The following RNF13 variants were observed in gnomAD, a reference collection of about 807,000 sequenced individuals.
RNF13 encodes E3 ubiquitin-protein ligase RNF13.
RNF13 carries 19 observed loss-of-function variants against 37.7 expected under a neutral mutation model. The ratio of observed to expected loss-of-function variants is 0.50; its 90% confidence interval spans 0.35 to 0.74. The LOEUF is 0.74. RNF13 is among the 30% of genes least tolerant of loss of function. RNF13 has a pLI of 0.01. For synonymous variants in RNF13, 144 were observed against 157.8 expected (o/e 0.91, Z 0.65); for missense variants, 375 against 453.0 (o/e 0.83, Z 1.56).
Position 149,869,433 on chromosome 3 carries a change from G to T in RNF13, c.196-2596G>T, listed in dbSNP as rs192629872. Reference sequence around the variant, plus strand: ...ATCCCGGCTAAAACGGTGAAACCCCGTCTCTACTAAAAAATACAAAAAATT... The same window carrying T: ...ATCCCGGCTAAAACGGTGAAACCCCTTCTCTACTAAAAAATACAAAAAATT... On this transcript the variant is annotated intron_variant, in intron 3 of 9. Coordinates refer to ENST00000392894, the MANE Select transcript of RNF13 (RefSeq NM_183381.3). Among the ~76,000 whole-genome samples the T allele has an allele frequency of 3.2e-3, 486 of 151,458 alleles. 1 individual carries two copies. Among genetic ancestry groups the T allele is most frequent in the African/African-American group, 0.011 (464 of 41,432 alleles).
At chr3:149,925,926 G>A (rs762653184) in intron 8 of RNF13, among the ~76,000 whole-genome samples, 14 of 151,986 alleles carry the variant, frequency 9.2e-5, no homozygotes, top group South Asian at 2.1e-4. Context: ...TTTATAACTC[G>A]TTGTTTTACT....
At chr3:149,821,402 T>C (rs1042670494) in intron 1 of RNF13, among the ~76,000 whole-genome samples, 1 of 152,190 alleles carries the variant, frequency 6.6e-6, no homozygotes, top group African/African-American at 2.4e-5. Flanking sequence ...TTGATTTGCG[T>C]TTCCCAGATT....
At chr3:149,870,001 T>C (rs1046126491) in intron 3 of RNF13, among the ~76,000 whole-genome samples, 1 of 151,798 alleles carries the variant, frequency 6.6e-6, no homozygotes, top group African/African-American at 2.4e-5. Context: ...ACAAACCTAC[T>C]GTATGGTGCT....
At chr3:149,828,768 A>G (rs2108331157) in intron 1 of RNF13, among the ~76,000 whole-genome samples, 1 of 152,158 alleles carries the variant, frequency 6.6e-6, no homozygotes, top group South Asian at 2.1e-4. Context: ...CCACTTACCA[A>G]TCTTTGGTTC....
chr3:149,945,215 T>G (rs927185973), intron 8 of RNF13, among the ~76,000 whole-genome samples: 2 of 152,212 alleles, frequency 1.3e-5, no homozygotes, highest in African/African-American at 2.4e-5. Context: ...TACTGTAGCC[T>G]TGTAGTATAG....
intron 8 of RNF13, among the ~76,000 whole-genome samples, chr3:149,933,880 A>T (rs1719425903): frequency 6.6e-6 from 1 of 152,116 alleles, no homozygotes; most frequent in Non-Finnish European, 1.5e-5. Context: ...CACCATGCTC[A>T]GCCTCTAACA....
chr3:149,879,867 C>G (rs1413073757), intron 4 of RNF13, among the ~76,000 whole-genome samples: 1 of 152,122 alleles, frequency 6.6e-6, no homozygotes, highest in Non-Finnish European at 1.5e-5. Flanking sequence ...TTTTCTAATT[C>G]TTTCTTTTTG....
intron 3 of RNF13, among the ~76,000 whole-genome samples, chr3:149,860,270 A>AAATATATATATATAT (rs1302318768): frequency 2.9e-5 from 3 of 104,116 alleles, no homozygotes; most frequent in African/African-American, 4.2e-5. Flanking sequence ...AAAAAAAAAA[A>AAATATATATATATAT]ATATATATAT....
chr3:149,836,676 G>C (rs916477838), intron 1 of RNF13, among the ~76,000 whole-genome samples: 2 of 151,806 alleles, frequency 1.3e-5, no homozygotes, highest in Non-Finnish European at 2.9e-5. Context: ...ATACTTCTGG[G>C]TATATGCCAC....
At chr3:149,869,151 C>T (rs1048254306) in intron 3 of RNF13, among the ~76,000 whole-genome samples, 18 of 151,678 alleles carry the variant, frequency 1.2e-4, no homozygotes, top group Non-Finnish European at 2.1e-4. Flanking sequence ...TTTTTCAGGT[C>T]AGCAGATGTA....
At chr3:149,894,848 T>C (rs1482568882) in intron 4 of RNF13, among the ~76,000 whole-genome samples, 1 of 152,132 alleles carries the variant, frequency 6.6e-6, no homozygotes, top group African/African-American at 2.4e-5. Flanking sequence ...ATTTTTAAAG[T>C]GAGACGTAAT....
At chr3:149,913,843 G>A (rs1576529035) in intron 7 of RNF13, among the ~76,000 whole-genome samples, 2 of 152,146 alleles carry the variant, frequency 1.3e-5, no homozygotes, top group African/African-American at 4.8e-5. Flanking sequence ...CTTGGTTAAG[G>A]TAGTGTTTGC....
chr3:149,961,245 A>T lies in RNF13; in HGVS notation c.*141A>T. On this transcript the variant is annotated 3_prime_UTR_variant, in exon 10 of 10. Coordinates refer to ENST00000392894, the MANE Select transcript of RNF13 (RefSeq NM_183381.3). Reference sequence around the variant, plus strand: ...AGTTTAATCAAATTACTGAAACAGGACTTTTGATCTGGTATTTATCTGCCA... The same window carrying T: ...AGTTTAATCAAATTACTGAAACAGGTCTTTTGATCTGGTATTTATCTGCCA... 1.4e-6 allele frequency: 1 copy of T among 738,658 alleles called. No homozygotes were observed. Among genetic ancestry groups the T allele is most frequent in the East Asian group, 2.7e-5 (1 of 37,618 alleles). The allele number at this position is 738,658 out of a possible 1,614,324, so 45.8% of individuals were successfully genotyped here.
At chr3:149,855,878 G>C (rs765114191) in intron 3 of RNF13, among the ~76,000 whole-genome samples, 2 of 152,046 alleles carry the variant, frequency 1.3e-5, no homozygotes, top group Non-Finnish European at 2.9e-5. Flanking sequence ...GTATTATCTT[G>C]TTTTAATTTG....
chr3:149,959,807 G>C, intron 8 of RNF13: 1 of 334,114 alleles, frequency 3.0e-6, no homozygotes. Flanking sequence ...ATGTAATTAT[G>C]AGTCTTACTA....
chr3:149,816,229 G>A lies in RNF13; in HGVS notation c.-17+2876G>A, dbSNP rs1719437727. ...CCCATTTTCTAAGTGGGAAGTGGGG[G>A]AATTAAGGCATCACAGATACATAAC... On this transcript the variant is annotated intron_variant, in intron 1 of 9. Transcript: ENST00000392894. Among the ~76,000 whole-genome samples the A allele has an allele frequency of 2.0e-5, 3 of 152,040 alleles. No homozygotes were observed. The South Asian group carries it at 6.2e-4, about 32-fold the overall frequency.
chr3:149,863,060 A>C (rs1157686615), intron 3 of RNF13, among the ~76,000 whole-genome samples: 1 of 152,124 alleles, frequency 6.6e-6, no homozygotes, highest in African/African-American at 2.4e-5. Flanking sequence ...TGTTCTCCCT[A>C]CTTTTGTTTG....
intron 4 of RNF13, among the ~76,000 whole-genome samples, chr3:149,894,789 A>G (rs1715065560): frequency 6.6e-6 from 1 of 152,160 alleles, no homozygotes; most frequent in African/African-American, 2.4e-5. Context: ...TAAAGGTCAT[A>G]CAATAAGTAG....
intron 1 of RNF13, among the ~76,000 whole-genome samples, chr3:149,841,616 C>A (rs866892393): frequency 6.6e-6 from 1 of 151,752 alleles, no homozygotes; most frequent in African/African-American, 2.4e-5. Context: ...TGAGCAGATT[C>A]TTTTTTTTAT....
Sources: gnomAD v4.1 joint callset for allele counts (sites outside exome capture counted in the v4.1 genomes callset) on GRCh38, gnomAD v4.1.1 for gene constraint, MANE v1.5 for transcripts, NCBI Gene and HGNC (gene_info 2026-07-23, HGNC 2026-07-21) for gene names.